PDE12: variants seen among roughly 807,000 people sequenced by gnomAD.
PDE12 encodes the protein phosphodiesterase 12, also known as 2',5'-phosphodiesterase 12.
A neutral mutation model predicts 45.4 loss-of-function variants in PDE12; 26 were observed. The observed-to-expected ratio is 0.57, with a 90% CI of 0.42 to 0.79. The LOEUF (loss-of-function observed/expected upper bound fraction) is 0.79. Ranked by LOEUF, PDE12 falls within the 30% of genes least tolerant of loss-of-function variation. The pLI is 0.00. For synonymous variants in PDE12, 283 were observed against 323.9 expected (o/e 0.87, Z 1.36); for missense variants, 668 against 790.0 (o/e 0.85, Z 1.85).
chr3:57,614,795 C>G, the PDE12 span, among the ~76,000 whole-genome samples: 1 of 151,436 alleles, frequency 6.6e-6, no homozygotes, highest in Non-Finnish European at 1.5e-5. Flanking sequence ...GAGTTCAAGA[C>G]CAGCCTGACC....
At chr3:57,570,985 G>GTTGT, downstream of PDE12, among the ~76,000 whole-genome samples, 1 of 140,778 alleles carries the variant, frequency 7.1e-6, no homozygotes, top group Non-Finnish European at 1.5e-5. Flanking sequence ...TGATTTTTTT[G>GTTGT]TTGTTGTTGT....
the PDE12 span, chr3:57,619,443 C>T: frequency 6.6e-6 from 1 of 152,320 alleles, no homozygotes; most frequent in East Asian, 1.9e-4. Flanking sequence ...TAAAGAATAT[C>T]TACATGTTGT....
chr3:57,646,407 T>C, the PDE12 span: 1 of 1,613,912 alleles, frequency 6.2e-7, no homozygotes, highest in Non-Finnish European at 8.5e-7. Context: ...TCCCAGAGCA[T>C]CTGACTATGA....
the PDE12 span, among the ~76,000 whole-genome samples, chr3:57,604,135 G>A: frequency 6.6e-6 from 1 of 151,342 alleles, no homozygotes; most frequent in South Asian, 2.1e-4. Context: ...TATTGGCCAG[G>A]CTGTTCTTGA....
Position 57,557,465 on chromosome 3 carries a change from A to AC in PDE12, c.1089dup (p.Ala364ArgfsTer27). On this transcript the variant is annotated frameshift_variant, in exon 1 of 3. Transcript: ENST00000311180. LOFTEE classifies it high-confidence loss of function. ...GCGCAGTGTTTTCTGACAGCTTGGT[A>AC]CCCGCCCTAGAGGCCTTCGGGCTCG... 15 of 1,613,774 alleles carry AC rather than the reference A, an allele frequency of 9.3e-6. No individual in the cohort carries two copies. Among genetic ancestry groups the AC allele is most frequent in the Non-Finnish European group, 1.3e-5 (15 of 1,179,974 alleles).
the PDE12 span, among the ~76,000 whole-genome samples, chr3:57,642,372 G>T: frequency 4.0e-5 from 6 of 151,734 alleles, no homozygotes; most frequent in Non-Finnish European, 7.4e-5. Flanking sequence ...GTCTACCAGG[G>T]GATTAAAGGA....
the PDE12 span, among the ~76,000 whole-genome samples, chr3:57,650,826 C>T: frequency 6.6e-6 from 1 of 150,376 alleles, no homozygotes; most frequent in Non-Finnish European, 1.5e-5. Context: ...CTCTTGTTGC[C>T]CAGACTGGAG....
chr3:57,624,471 T>C, the PDE12 span, among the ~76,000 whole-genome samples: 3 of 152,102 alleles, frequency 2.0e-5, no homozygotes, highest in African/African-American at 7.2e-5. Context: ...TAAAAAACTT[T>C]TTTTAGAGAT....
chr3:57,651,674 A>G, the PDE12 span, among the ~76,000 whole-genome samples: 2 of 152,110 alleles, frequency 1.3e-5, no homozygotes, highest in Middle Eastern at 3.4e-3. Flanking sequence ...ATTACAAACC[A>G]GTTTATTTAA....
rs956318851 is a variant in PDE12, at chr3:57,564,211, G to A, written c.*4207G>A. 3 of 152,178 alleles carry A rather than the reference G, an allele frequency of 2.0e-5. No individual in the cohort carries two copies. Among genetic ancestry groups the A allele is most frequent in the African/African-American group, 7.2e-5 (3 of 41,444 alleles). The allele number at this position is 152,178 out of a possible 1,614,324, so 9.4% of individuals were successfully genotyped here. On this transcript the variant is annotated 3_prime_UTR_variant, in exon 3 of 3. Coordinates refer to ENST00000311180, the MANE Select transcript of PDE12 (RefSeq NM_177966.7). ...CTGAAAGTGCTGGGATTACAGGCAT[G>A]AGCCACGGTACCCGGCCTAAATTTT...
the PDE12 span, among the ~76,000 whole-genome samples, chr3:57,604,161 A>G: frequency 6.6e-6 from 1 of 151,744 alleles, no homozygotes; most frequent in East Asian, 1.9e-4. Flanking sequence ...TGACCTTGTG[A>G]TCCACCCACC....
chr3:57,570,836 C>A, downstream of PDE12, among the ~76,000 whole-genome samples: 1 of 152,260 alleles, frequency 6.6e-6, no homozygotes, highest in Non-Finnish European at 1.5e-5. Context: ...ATTGGCCATA[C>A]AAGTAGCACC....
In PDE12 at chr3:57,559,555, T is replaced by C; in HGVS notation, c.1388-7T>C. ...AATACTTACATTAATGTTTTTTATA[T>C]TCATAGGTGGGTATATTCGCCTCAT... On this transcript the variant is annotated splice_polypyrimidine_tract_variant and splice_region_variant and intron_variant, in intron 2 of 2. Transcript: ENST00000311180. 1 of 1,589,434 alleles carries C rather than the reference T, an allele frequency of 6.3e-7. No homozygotes were observed. The highest frequency in any genetic ancestry group is 8.6e-7 in the Non-Finnish European group (1 of 1,168,536).
chr3:57,572,148 T>G, the PDE12 span: 1 of 1,297,114 alleles, frequency 7.7e-7, no homozygotes, highest in Non-Finnish European at 1.1e-6. Context: ...TACAAACTAA[T>G]TTTGTTGTAA....
In PDE12 at chr3:57,557,669, G is replaced by C. The variant is rs140975906; in HGVS notation, c.1290G>C (p.Gln430His). ...CATCAGCGCAGGAGAAGGTGCTCCA[G>C]AGATCTTCTGTTCTTCAGGTAAAGT... is the stretch of plus-strand genomic sequence containing the variant. Reference protein sequence around the residue: ...LYPSAQEKVLQRSSVLQVSVL... With the variant: ...LYPSAQEKVLHRSSVLQVSVL... Residue 430 changes from glutamine to histidine, a missense_variant, in exon 1 of 3, where the codon CAG (glutamine) becomes CAC (histidine). Physicochemically the swap from Gln to His is conservative, Grantham distance 24 (BLOSUM62 0). Coordinates refer to ENST00000311180, the MANE Select transcript of PDE12 (RefSeq NM_177966.7). 6.2e-7 allele frequency: 1 copy of C among 1,613,812 alleles called. No individual in the cohort carries two copies. The highest frequency in any genetic ancestry group is 1.3e-5 in the African/African-American group (1 of 75,046).
the PDE12 span, among the ~76,000 whole-genome samples, chr3:57,582,716 A>C: frequency 1.2e-4 from 13 of 107,676 alleles, no homozygotes; most frequent in African/African-American, 3.5e-4. Flanking sequence ...CAAGTCTTAA[A>C]AATATAAAGT....
Position 57,560,308 on chromosome 3 carries a change from TG to T in PDE12, c.*305del. The T allele has an allele frequency of 9.0e-7, 1 of 1,115,026 alleles. No individual in the cohort carries two copies. Among genetic ancestry groups the T allele is most frequent in the Non-Finnish European group, 1.1e-6 (1 of 918,238 alleles). The allele number at this position is 1,115,026 out of a possible 1,614,324, so 69.1% of individuals were successfully genotyped here. ...AGGAAGATTGAATTAGCGTGTTTTT[TG>T]TTTGTTTGTTTTTGTTTTTGTTTTT... is the stretch of plus-strand genomic sequence containing the variant. On this transcript the variant is annotated 3_prime_UTR_variant, in exon 3 of 3. Transcript: ENST00000311180.
the PDE12 span, among the ~76,000 whole-genome samples, chr3:57,636,830 G>T: frequency 2.6e-5 from 4 of 151,796 alleles, no homozygotes; most frequent in African/African-American, 9.7e-5. Flanking sequence ...CCAGCTACTC[G>T]GGAGGCTGAC....
the PDE12 span, among the ~76,000 whole-genome samples, chr3:57,635,543 G>C: frequency 6.6e-6 from 1 of 152,116 alleles, no homozygotes; most frequent in South Asian, 2.1e-4. Flanking sequence ...CCTAAGAACT[G>C]AAAGACAATC....
Sources: gnomAD v4.1 joint callset for allele counts (sites outside exome capture counted in the v4.1 genomes callset) on GRCh38, gnomAD v4.1.1 for gene constraint, MANE v1.5 for transcripts, NCBI Gene and HGNC (gene_info 2026-07-23, HGNC 2026-07-21) for gene names.